Variants in FCRL2 observed in about 807,000 individuals in gnomAD.
FCRL2 encodes the protein Fc receptor-like protein 2.
A neutral mutation model predicts 59.8 loss-of-function variants in FCRL2; 48 were observed. The observed-to-expected ratio is 0.80, with a 90% CI of 0.64 to 1.02. FCRL2 has a LOEUF of 1.02. FCRL2 is among the 50% of genes least tolerant of loss of function. FCRL2 has a pLI of 0.00. For synonymous variants in FCRL2, 251 were observed against 229.5 expected (o/e 1.09, Z -0.85); for missense variants, 658 against 597.3 (o/e 1.10, Z -1.06).
intron 7 of FCRL2, among the ~76,000 whole-genome samples, chr1:157,755,806 T>C (rs1648546436): frequency 6.6e-6 from 1 of 152,220 alleles, no homozygotes; most frequent in South Asian, 2.1e-4. Flanking sequence ...AACATGTATG[T>C]ATACAATGAC....
At chr1:157,754,314 T>C (rs1431039196) in intron 7 of FCRL2, among the ~76,000 whole-genome samples, 2 of 152,158 alleles carry the variant, frequency 1.3e-5, no homozygotes, top group African/African-American at 4.8e-5. Flanking sequence ...TTGCCCTCAC[T>C]GCTACACTCC....
At chr1:157,752,404 C>A (rs747021481) in intron 7 of FCRL2, among the ~76,000 whole-genome samples, 1 of 152,220 alleles carries the variant, frequency 6.6e-6, no homozygotes, top group Non-Finnish European at 1.5e-5. Context: ...TCTGCCATGA[C>A]TGTGAGGTTT....
At chr1:157,767,120 G>T (rs1649555066) in intron 6 of FCRL2, 111 bp downstream of exon 6, 3 of 1,390,238 alleles carry the variant, frequency 2.2e-6, no homozygotes, top group Non-Finnish European at 3.0e-6. Flanking sequence ...GAGAAGAGAA[G>T]CCACTGGACA....
At chr1:157,775,028 TTAGC>T (rs1650299832) in intron 2 of FCRL2, among the ~76,000 whole-genome samples, 1 of 152,172 alleles carries the variant, frequency 6.6e-6, no homozygotes, top group African/African-American at 2.4e-5. Flanking sequence ...TGAAATAAAA[TTAGC>T]TTTATTTCAC....
intron 7 of FCRL2, among the ~76,000 whole-genome samples, chr1:157,750,579 G>C (rs1648115698): frequency 6.6e-6 from 1 of 152,204 alleles, no homozygotes; most frequent in South Asian, 2.1e-4. Context: ...TAGTAGCTCA[G>C]CCAATATTTC....
rs1217183571 is a variant in FCRL2 at position 157,769,925 on chromosome 1, G to T, written c.536C>A (p.Ala179Glu). The T allele has an allele frequency of 1.9e-6, 3 of 1,614,202 alleles. No homozygotes were observed. Among genetic ancestry groups the T allele is most frequent in the Non-Finnish European group, 2.5e-6 (3 of 1,180,034 alleles). ...SEDTGSYWCKAETVTHRIRKQ... is the reference protein window; with the variant it reads ...SEDTGSYWCKEETVTHRIRKQ... ...TCTGATCCTGTGAGTCACCGTTTCT[G>T]CCTTGCACCAGTAAGACCCTGTGTC... Residue 179 changes from alanine (A) to glutamate (E), a missense_variant, in exon 4 of 12, where the codon GCA becomes GAA. Physicochemically the swap from Ala to Glu is moderately radical, Grantham distance 107. Coordinates refer to ENST00000361516, the MANE Select transcript of FCRL2 (RefSeq NM_030764.4).
At position 157,764,029 on chromosome 1, in the gene FCRL2, C is replaced by CAAA. The variant is rs34230382; in HGVS notation, c.1279+2823_1279+2825dup. 1.5e-3 allele frequency among the ~76,000 whole-genome samples: 158 copies of CAAA among 103,206 alleles called. 5 individuals are homozygous for CAAA. The highest frequency in any genetic ancestry group is 5.8e-3 in the African/African-American group (141 of 24,492). 67.7% of individuals were successfully genotyped at this position (103,206 alleles called of 152,430 possible). A position where few individuals can be genotyped will look rare whatever the true frequency, so the allele number is the denominator to read the frequency against. ...TGGGTGATAGTGCGAGACTTCATCT[C>CAAA]AAAAAAAAAAAAAAAAAAGCAAAAA... On this transcript the variant is annotated intron_variant, in intron 7 of 11. Transcript: ENST00000361516.
intron 7 of FCRL2, among the ~76,000 whole-genome samples, chr1:157,753,041 C>T (rs954688831): frequency 1.9e-4 from 29 of 152,076 alleles, no homozygotes; most frequent in East Asian, 1.9e-4. Context: ...CACAAACACA[C>T]GTATGCACAC....
intron 4 of FCRL2, chr1:157,769,345 A>C (rs1235388548): frequency 6.4e-6 from 1 of 157,328 alleles, no homozygotes; most frequent in Non-Finnish European, 1.4e-5. Context: ...CTAACAACAA[A>C]AAAAGAAAGA....
rs1234341792 is a variant in FCRL2, at chr1:157,746,239, T to A, written c.*497A>T. On this transcript the variant is annotated 3_prime_UTR_variant, in exon 12 of 12. Coordinates refer to ENST00000361516, the MANE Select transcript of FCRL2 (RefSeq NM_030764.4). ...AAGGGCTCCTGCCTAACTCATTCTA[T>A]GAAGCCAGCATCAGCCTGATACAAA... 1 of 155,140 alleles carries A rather than the reference T, an allele frequency of 6.4e-6. No homozygotes were observed. Among genetic ancestry groups the A allele is most frequent in the South Asian group, 2.0e-4 (1 of 5,020 alleles). 9.6% of individuals were successfully genotyped at this position (155,140 alleles called of 1,614,324 possible). A position where few individuals can be genotyped will look rare whatever the true frequency, so the allele number is the denominator to read the frequency against.
At position 157,768,647 on chromosome 1, in the gene FCRL2, G is replaced by A. The variant is rs530956948; in HGVS notation, c.650C>T (p.Thr217Ile). The stretch of plus-strand genomic sequence containing the variant: ...GAGCAGGATCAGTTTTTGTCCTTCA[G>A]TCACCTGTCCCCCGGGGGCCCGGAT... ...LEIRAPGGQVTEGQKLILLCS... is the reference protein window; with the variant it reads ...LEIRAPGGQVIEGQKLILLCS... The change falls in exon 5 of 12, where the codon ACT (threonine) becomes ATT (isoleucine). Residue 217 changes from threonine (T) to isoleucine (I), a missense_variant. Transcript: ENST00000361516. 6.2e-7 allele frequency: 1 copy of A among 1,614,138 alleles called. No homozygotes were observed. Among genetic ancestry groups the A allele is most frequent in the African/African-American group, 1.3e-5 (1 of 75,020 alleles).
chr1:157,751,783 G>T (rs1434445577), intron 7 of FCRL2, among the ~76,000 whole-genome samples: 2 of 152,218 alleles, frequency 1.3e-5, no homozygotes, highest in Non-Finnish European at 2.9e-5. Flanking sequence ...GTGCTCAGCT[G>T]GAGAAGAATG....
At chr1:157,767,096 C>T (rs1649553109) in intron 6 of FCRL2, 125 bp from the exon 7 acceptor site, 1 of 1,326,974 alleles carries the variant, frequency 7.5e-7, no homozygotes. Flanking sequence ...CTGTACTCTT[C>T]AGGTTAGTGT....
At chr1:157,757,155 G>A (rs1648650805) in intron 7 of FCRL2, among the ~76,000 whole-genome samples, 1 of 152,042 alleles carries the variant, frequency 6.6e-6, no homozygotes, top group Non-Finnish European at 1.5e-5. Flanking sequence ...TTGATCAATG[G>A]GACTTTTTGA....
Position 157,767,505 on chromosome 1 carries a change from T to G in FCRL2, c.888A>C (p.Pro296=). ...SKVVNIPVRI[P]VSRPVLTLRS... ...TGAGGGTGAGGACAGGGCGAGACAC[T>G]GGAACTGACAGACACAGAGGGGCTA... The change falls in exon 6 of 12, where the codon CCA becomes CCC. Residue 296 remains proline (P), a synonymous_variant. Coordinates refer to ENST00000361516, the MANE Select transcript of FCRL2 (RefSeq NM_030764.4). 3 of 1,614,206 alleles carry G rather than the reference T, an allele frequency of 1.9e-6. No individual in the cohort carries two copies. Among genetic ancestry groups the G allele is most frequent in the Non-Finnish European group, 2.5e-6 (3 of 1,180,026 alleles).
chr1:157,763,933 G>A (rs563053626), intron 7 of FCRL2, among the ~76,000 whole-genome samples: 3 of 152,070 alleles, frequency 2.0e-5, no homozygotes, highest in Admixed American at 1.3e-4. Flanking sequence ...GGGAGGCTGA[G>A]GCAGGAGGAT....
chr1:157,760,774 AAAGGAAGGAAGGAAGGAGGG>A (rs1331770392), intron 7 of FCRL2, among the ~76,000 whole-genome samples: 82 of 145,800 alleles, frequency 5.6e-4, no homozygotes, highest in South Asian at 1.5e-3. Flanking sequence ...ATGAAAAAAG[AAAGGAAGGAAGGAAGGAGGG>A]AAGGAAGGAA....
At chr1:157,775,068 T>C (rs1051074463) in intron 2 of FCRL2, among the ~76,000 whole-genome samples, 9 of 152,186 alleles carry the variant, frequency 5.9e-5, no homozygotes, top group African/African-American at 1.9e-4. Flanking sequence ...CAGTAATACA[T>C]GCATTTTTAA....
Position 157,775,988 on chromosome 1 carries a change from G to C in FCRL2, c.32-193C>G, listed in dbSNP as rs570542144. ...TAACTGTCATTCATTGTAGTCAAAA[G>C]GCAAGTTGCAAACCCAATGCTTGAC... On this transcript the variant is annotated intron_variant, in intron 1 of 11. Transcript: ENST00000361516. Among the ~76,000 whole-genome samples the C allele has an allele frequency of 3.3e-5, 5 of 152,176 alleles. No homozygotes were observed. The South Asian group carries it at 1.0e-3, about 32-fold the overall frequency.
Sources: allele counts gnomAD v4.1 joint callset (sites outside exome capture counted in the v4.1 genomes callset), GRCh38; gene constraint gnomAD v4.1.1; transcripts MANE v1.5; gene names NCBI Gene and HGNC (gene_info 2026-07-23, HGNC 2026-07-21).